MAPRE2: variants seen among roughly 807,000 people sequenced by gnomAD.
MAPRE2 encodes the protein microtubule associated protein RP/EB family member 2, also known as microtubule-associated protein RP/EB family member 2.
In MAPRE2, 13 loss-of-function variants were observed where a neutral mutation model predicts 43.2. The observed-to-expected ratio is 0.30, with a 90% confidence interval of 0.20 to 0.48. The LOEUF is 0.48. Ranked by LOEUF, MAPRE2 falls within the 20% of genes least tolerant of loss-of-function variation. MAPRE2 has a pLI of 0.99. For synonymous variants in MAPRE2, 135 were observed against 148.8 expected (o/e 0.91, Z 0.68); for missense variants, 161 against 400.2 (o/e 0.40, Z 5.10).
At chr18:35,139,079 T>C (rs1910511698) in intron 6 of MAPRE2, among the ~76,000 whole-genome samples, 1 of 152,010 alleles carries the variant, frequency 6.6e-6, no homozygotes, top group South Asian at 2.1e-4. Flanking sequence ...CAAATCAGTG[T>C]CATAGCAGAG....
chr18:35,000,689 A>C (rs2097028868), intron 1 of MAPRE2, among the ~76,000 whole-genome samples: 1 of 152,192 alleles, frequency 6.6e-6, no homozygotes, highest in Admixed American at 6.5e-5. Context: ...ATGAAAACAA[A>C]ACCAACAAAC....
In MAPRE2 at chr18:35,106,600, T is replaced by C. The variant is rs1908919129; in HGVS notation, c.610+4441T>C. Among the ~76,000 whole-genome samples the C allele has an allele frequency of 3.3e-5, 5 of 152,184 alleles. No individual in the cohort carries two copies. In the South Asian group the frequency reaches 1.0e-3, roughly 31 times the overall value. The stretch of plus-strand genomic sequence containing the variant: ...ATTCTAAATACTTGGTGCATCCTGT[T>C]TTTTTAAGAACATGCTAGATTTTTC... On this transcript the variant is annotated intron_variant, in intron 4 of 6. Transcript: ENST00000300249.
At chr18:35,016,161 G>A (rs1249692776) in intron 2 of MAPRE2, among the ~76,000 whole-genome samples, 1 of 151,512 alleles carries the variant, frequency 6.6e-6, no homozygotes, top group Non-Finnish European at 1.5e-5. Flanking sequence ...AGTATTTTAT[G>A]GTATATATAT....
chr18:35,138,802 G>T (rs962368220), intron 6 of MAPRE2, among the ~76,000 whole-genome samples: 2 of 152,152 alleles, frequency 1.3e-5, no homozygotes, highest in Non-Finnish European at 2.9e-5. Context: ...CACACGGCCT[G>T]TAAATAACAG....
intron 1 of MAPRE2, among the ~76,000 whole-genome samples, chr18:34,986,405 A>C (rs2097021037): frequency 6.6e-6 from 1 of 152,172 alleles, no homozygotes; most frequent in East Asian, 1.9e-4. Flanking sequence ...GAGCAGCTTC[A>C]GCTCTCCATA....
intron 2 of MAPRE2, among the ~76,000 whole-genome samples, chr18:35,022,520 G>C (rs2097042566): frequency 6.6e-6 from 1 of 151,928 alleles, no homozygotes; most frequent in Admixed American, 6.6e-5. Context: ...ACAATAAATG[G>C]CATGTGAAAA....
chr18:34,985,118 C>T (rs192325181), intron 1 of MAPRE2, among the ~76,000 whole-genome samples: 18,795 of 71,070 alleles, frequency 0.26, 2,315 homozygotes, highest in African/African-American at 0.27. Context: ...ATATTATATA[C>T]TATATTATAT....
At chr18:34,989,356 C>T (rs1257649240) in intron 1 of MAPRE2, among the ~76,000 whole-genome samples, 1 of 152,108 alleles carries the variant, frequency 6.6e-6, no homozygotes, top group Non-Finnish European at 1.5e-5. Context: ...GTCTTCTATC[C>T]TGGATGTCCT....
chr18:35,085,119 C>G (rs1175376692), intron 2 of MAPRE2, among the ~76,000 whole-genome samples: 1 of 152,152 alleles, frequency 6.6e-6, no homozygotes, highest in African/African-American at 2.4e-5. Context: ...GTTAATATTT[C>G]AAAGCATTAT....
chr18:35,030,847 T>G (rs1438358648), intron 2 of MAPRE2, among the ~76,000 whole-genome samples: 2 of 152,200 alleles, frequency 1.3e-5, no homozygotes, highest in African/African-American at 2.4e-5. Flanking sequence ...ACACTCACTG[T>G]GCTACATACA....
intron 2 of MAPRE2, among the ~76,000 whole-genome samples, chr18:35,080,012 A>C (rs1907556276): frequency 6.6e-6 from 1 of 152,228 alleles, no homozygotes; most frequent in Admixed American, 6.5e-5. Context: ...AAGAAAGGAA[A>C]GATTATTTCC....
chr18:35,102,696 G>GA (rs1402087147), intron 4 of MAPRE2, among the ~76,000 whole-genome samples: 1 of 151,936 alleles, frequency 6.6e-6, no homozygotes, highest in Non-Finnish European at 1.5e-5. Context: ...AGTCGTTGAG[G>GA]AAAAATATCT....
At chr18:35,121,129 C>A (rs972750595) in intron 4 of MAPRE2, among the ~76,000 whole-genome samples, 4 of 152,176 alleles carry the variant, frequency 2.6e-5, no homozygotes, top group Admixed American at 2.6e-4. Flanking sequence ...AGAGTCTTGG[C>A]CATGAAGGAT....
chr18:35,104,092 T>C (rs1259489165), intron 4 of MAPRE2, among the ~76,000 whole-genome samples: 2 of 152,056 alleles, frequency 1.3e-5, no homozygotes, highest in Non-Finnish European at 2.9e-5. Flanking sequence ...GAGCTCAGCA[T>C]CAGAGAACAA....
Position 35,103,019 on chromosome 18 carries a change from G to GTGGTAAGAGCTTTGAA in MAPRE2, c.610+860_610+861insTGGTAAGAGCTTTGAA, listed in dbSNP as rs1362232948. Reference sequence around the variant, plus strand: ...TGAATGAAGTAGAAATGGTTAACAGGACCACATAGGTGGTAAGAGCTTTGA... The same window carrying GTGGTAAGAGCTTTGAA: ...TGAATGAAGTAGAAATGGTTAACAGGTGGTAAGAGCTTTGAAACCACATAGGTGGTAAGAGCTTTGA... On this transcript the variant is annotated intron_variant, in intron 4 of 6. Coordinates refer to ENST00000300249, the MANE Select transcript of MAPRE2 (RefSeq NM_014268.4). 4.3e-3 allele frequency among the ~76,000 whole-genome samples: 654 copies of GTGGTAAGAGCTTTGAA among 152,268 alleles called. 3 individuals are homozygous for GTGGTAAGAGCTTTGAA. Among genetic ancestry groups the GTGGTAAGAGCTTTGAA allele is most frequent in the African/African-American group, 0.015 (616 of 41,556 alleles).
At chr18:34,985,745 T>TATATGTAATATATAAAATATATTAA (rs2097020634) in intron 1 of MAPRE2, among the ~76,000 whole-genome samples, 1 of 125,368 alleles carries the variant, frequency 8.0e-6, no homozygotes, top group Admixed American at 1.1e-4. Context: ...ATATATATTA[T>TATATGTAATATATAAAATATATTAA]ATATGTAATA....
At chr18:35,037,811 T>C (rs1363780946), upstream of MAPRE2, among the ~76,000 whole-genome samples, 1 of 152,184 alleles carries the variant, frequency 6.6e-6, no homozygotes, top group Admixed American at 6.5e-5. Flanking sequence ...ATCTCTTGGG[T>C]GACTATTCGA....
upstream of MAPRE2, among the ~76,000 whole-genome samples, chr18:35,039,851 A>G (rs971320103): frequency 6.6e-6 from 1 of 152,178 alleles, no homozygotes; most frequent in Non-Finnish European, 1.5e-5. Context: ...TATCTTTTAC[A>G]CCCCAATTCT....
chr18:35,060,272 T>C (rs1156395178), intron 1 of MAPRE2, among the ~76,000 whole-genome samples: 1 of 150,032 alleles, frequency 6.7e-6, no homozygotes, highest in East Asian at 2.0e-4. Flanking sequence ...CAAGAAGGAG[T>C]GGATGTGCTG....
Sources: gnomAD v4.1 joint callset for allele counts (sites outside exome capture counted in the v4.1 genomes callset) on GRCh38, gnomAD v4.1.1 for gene constraint, MANE v1.5 for transcripts, NCBI Gene and HGNC (gene_info 2026-07-23, HGNC 2026-07-21) for gene names.